KLHL3: variants seen among roughly 807,000 people sequenced by gnomAD.
The protein encoded by KLHL3 is kelch like family member 3.
KLHL3 carries 19 observed loss-of-function variants against 70.5 expected under a neutral mutation model. That is an observed-to-expected ratio of 0.27 (90% CI 0.19 to 0.40). The LOEUF (loss-of-function observed/expected upper bound fraction) is 0.40, where lower values mean the gene tolerates loss of function less well. Among genes scored for constraint, KLHL3 ranks in the 10% least tolerant of loss-of-function variants. The pLI, the probability that KLHL3 is intolerant of heterozygous loss-of-function variation, is 1.00. For missense variants in KLHL3, 512 were observed against 771.1 expected, an observed-to-expected ratio of 0.66 and a Z score of 3.98; for synonymous variants, 258 against 290.3, an observed-to-expected ratio of 0.89 and a Z score of 1.13.
rs201118569 is a variant in KLHL3, at chr5:137,637,328, C to T, written c.1287G>A (p.Thr429=). ...CGCCCACACCCACACTGCTCCGCCG[C>T]GTGTTCATCGGGGCCACAAAGAACC... ...NEWFFVAPMN[T]RRSSVGVGVV... is the part of the protein sequence containing the mutation. Residue 429 remains threonine (T), a synonymous_variant, in exon 11 of 15, where the codon ACG becomes ACA. Coordinates refer to ENST00000309755, the MANE Select transcript of KLHL3 (RefSeq NM_017415.3). 1.4e-5 allele frequency: 22 copies of T among 1,614,094 alleles called. No individual in the cohort carries two copies. The highest frequency in any genetic ancestry group is 1.0e-4 in the Admixed American group (6 of 60,030).
chr5:137,735,952 C>T lies in KLHL3; in HGVS notation c.-306G>A. On this transcript the variant is annotated 5_prime_UTR_variant, in exon 1 of 15. Coordinates refer to ENST00000309755, the MANE Select transcript of KLHL3 (RefSeq NM_017415.3). ...CGCAGGCTTGCTGCTCCTTGGTCTC[C>T]TAGGAACGGCGGCAGCTCCAGCGAC... 4.2e-6 allele frequency: 2 copies of T among 476,798 alleles called. No homozygotes were observed. Among genetic ancestry groups the T allele is most frequent in the East Asian group, 3.9e-5 (1 of 25,850 alleles). 29.5% of individuals were successfully genotyped at this position (476,798 alleles called of 1,614,324 possible). A position where few individuals can be genotyped will look rare whatever the true frequency, so the allele number is the denominator to read the frequency against.
At position 137,634,074 on chromosome 5, in the gene KLHL3, T is replaced by A. The variant is rs1433011586; in HGVS notation, c.1413A>T (p.Ile471=). 1 of 1,614,218 alleles carries A rather than the reference T, an allele frequency of 6.2e-7. No individual in the cohort carries two copies. ...GGCGGGTGCTCATGTCCGCCACGTA[T>A]ATCCATTCATTGGTCGCTGGGTTGT... is the stretch of plus-strand genomic sequence containing the variant. ...EQYNPATNEW[I]YVADMSTRRS... The change falls in exon 12 of 15, where the codon ATA becomes ATT. Residue 471 remains isoleucine (I), a synonymous_variant. Transcript: ENST00000309755.
At chr5:137,698,524 G>C in intron 3 of KLHL3, 116 bp from the exon 4 acceptor site, 3 of 1,138,790 alleles carry the variant, frequency 2.6e-6, no homozygotes, top group East Asian at 4.7e-5. Flanking sequence ...GGCTCCAGGA[G>C]GCAGCAGAAG....
chr5:137,667,839 G>C (rs904392005), intron 6 of KLHL3, among the ~76,000 whole-genome samples: 5 of 152,192 alleles, frequency 3.3e-5, no homozygotes, highest in African/African-American at 1.2e-4. Context: ...GACCTGAATT[G>C]TTACTCAATC....
At chr5:137,627,626 A>C (rs937132646) in intron 13 of KLHL3, among the ~76,000 whole-genome samples, 3 of 152,192 alleles carry the variant, frequency 2.0e-5, no homozygotes, top group Non-Finnish European at 4.4e-5. Flanking sequence ...TTCCTAAAGC[A>C]AAGAGGCATA....
chr5:137,715,458 A>G (rs1473204855), intron 2 of KLHL3, among the ~76,000 whole-genome samples: 1 of 152,146 alleles, frequency 6.6e-6, no homozygotes, highest in Non-Finnish European at 1.5e-5. Flanking sequence ...TCAGATCAAT[A>G]AAGTATCAAT....
chr5:137,631,805 A>T (rs907584194), intron 12 of KLHL3, among the ~76,000 whole-genome samples: 1 of 152,218 alleles, frequency 6.6e-6, no homozygotes, highest in African/African-American at 2.4e-5. Context: ...CTTCATAGAA[A>T]CATAAGGTAT....
chr5:137,661,822 C>A (rs1751481795), intron 7 of KLHL3, 93 bp downstream of exon 7: 3 of 734,838 alleles, frequency 4.1e-6, no homozygotes, highest in Non-Finnish European at 4.8e-6. Context: ...ACCCACTAAA[C>A]CCTCAACTAC....
chr5:137,735,587 A>G (rs377510610), intron 1 of KLHL3, 46 bp downstream of exon 1: 2 of 1,454,182 alleles, frequency 1.4e-6, no homozygotes, highest in African/African-American at 2.8e-5. Flanking sequence ...AAGCACACAT[A>G]CACTTACATA....
chr5:137,639,208 G>A lies in KLHL3; in HGVS notation c.1022-58C>T. On this transcript the variant is annotated intron_variant, in intron 9 of 14. Coordinates refer to ENST00000309755, the MANE Select transcript of KLHL3 (RefSeq NM_017415.3). This position sits in a 1 kb window ranked among gnomAD's most constrained non-coding sequence, Gnocchi z 5.0. ...GGTCAGGCGCATGACTGCTCATGTT[G>A]ATGGATGGCAATGGAGGAGCAAGAC... The A allele has an allele frequency of 6.5e-7, 1 of 1,532,816 alleles. No homozygotes were observed. The highest frequency in any genetic ancestry group is 1.2e-5 in the South Asian group (1 of 86,436). 95.0% of individuals were successfully genotyped at this position (1,532,816 alleles called of 1,614,324 possible). A position where few individuals can be genotyped will look rare whatever the true frequency, so the allele number is the denominator to read the frequency against.
chr5:137,625,269 A>T (rs982991046), intron 14 of KLHL3, among the ~76,000 whole-genome samples: 2 of 152,274 alleles, frequency 1.3e-5, no homozygotes, highest in African/African-American at 4.8e-5. Flanking sequence ...TGGCTTTGCC[A>T]GTTCTCACCA....
intron 1 of KLHL3, among the ~76,000 whole-genome samples, chr5:137,722,188 T>C (rs1431425486): frequency 6.6e-6 from 1 of 152,204 alleles, no homozygotes; most frequent in Non-Finnish European, 1.5e-5. Flanking sequence ...TAGAGTATAT[T>C]TCAGAGGCCT....
At chr5:137,719,322 G>T in intron 2 of KLHL3, among the ~76,000 whole-genome samples, 1 of 152,150 alleles carries the variant, frequency 6.6e-6, no homozygotes, top group East Asian at 1.9e-4. Context: ...GGGCATCTTT[G>T]GTGAATCAAT....
At chr5:137,634,764 C>T (rs1295648153) in intron 11 of KLHL3, among the ~76,000 whole-genome samples, 1 of 152,126 alleles carries the variant, frequency 6.6e-6, no homozygotes, top group Non-Finnish European at 1.5e-5. Context: ...ATCTCTGAGC[C>T]ATGCACAAGA....
chr5:137,677,232 A>G (rs959606231), intron 6 of KLHL3, among the ~76,000 whole-genome samples: 10 of 152,122 alleles, frequency 6.6e-5, no homozygotes, highest in African/African-American at 2.2e-4. Flanking sequence ...GGATTGCCTG[A>G]GGTCAGGAGT....
At chr5:137,734,109 T>G (rs1160595122) in intron 1 of KLHL3, among the ~76,000 whole-genome samples, 1 of 152,208 alleles carries the variant, frequency 6.6e-6, no homozygotes, top group Admixed American at 6.5e-5. Context: ...TGCCCAAAAC[T>G]GTTTGATCCG....
chr5:137,648,536 G>C (rs926276554), intron 8 of KLHL3, among the ~76,000 whole-genome samples: 4 of 152,216 alleles, frequency 2.6e-5, no homozygotes, highest in African/African-American at 9.6e-5. Context: ...CTGAGTGGCT[G>C]GGAGACAGCC....
At chr5:137,694,106 G>T (rs1752389335) in intron 4 of KLHL3, among the ~76,000 whole-genome samples, 1 of 151,890 alleles carries the variant, frequency 6.6e-6, no homozygotes. Flanking sequence ...CCTGCCCACA[G>T]ACAATAACCA....
chr5:137,661,879 A>G (rs371888473), intron 7 of KLHL3, 36 bp downstream of exon 7: 2 of 1,175,830 alleles, frequency 1.7e-6, no homozygotes, highest in African/African-American at 3.0e-5. Flanking sequence ...GGTCTGGGTG[A>G]ACACAGAAGT....
Sources: allele counts gnomAD v4.1 joint callset (sites outside exome capture counted in the v4.1 genomes callset), GRCh38; gene constraint gnomAD v4.1.1; non-coding constraint Gnocchi (gnomAD v3.1); transcripts MANE v1.5; gene names NCBI Gene and HGNC (gene_info 2026-07-23, HGNC 2026-07-21).